BRD8: variants seen among roughly 807,000 people sequenced by gnomAD.
BRD8 encodes the protein bromodomain containing 8.
Under a neutral mutation model 143.1 loss-of-function variants are expected in BRD8, and 67 were observed. The ratio of observed to expected loss-of-function variants is 0.47; its 90% CI spans 0.38 to 0.57. BRD8 has a LOEUF of 0.57. Ranked by LOEUF, BRD8 falls within the 20% of genes least tolerant of loss-of-function variation. The pLI, the probability that BRD8 is intolerant of heterozygous loss-of-function variation, is 0.00. For missense variants in BRD8, 1,103 were observed against 1,503.0 expected (o/e 0.73, Z 4.40); for synonymous variants, 505 against 517.1 (o/e 0.98, Z 0.32).
At chr5:138,175,799 G>A (rs1400576290) in intron 2 of BRD8, among the ~76,000 whole-genome samples, 24 of 146,708 alleles carry the variant, frequency 1.6e-4, no homozygotes, top group Admixed American at 2.7e-4. Flanking sequence ...CTGTAGTCCC[G>A]GCTACTCAGG....
chr5:138,164,648 C>T, intron 12 of BRD8, 66 bp downstream of exon 12: 1 of 1,565,988 alleles, frequency 6.4e-7, no homozygotes, highest in South Asian at 1.2e-5. Flanking sequence ...ACCAAAAAGC[C>T]TAAGCTGTCA....
intron 25 of BRD8, among the ~76,000 whole-genome samples, chr5:138,144,918 AAT>A (rs71583301): frequency 0.013 from 1,177 of 89,766 alleles, 41 homozygotes; most frequent in East Asian, 0.035. Context: ...AAAAAAAAAA[AAT>A]ATATATATAT....
chr5:138,171,020 A>C lies in BRD8; in HGVS notation c.359+18T>G, dbSNP rs1174256682. The C allele has an allele frequency of 6.2e-7, 1 of 1,611,658 alleles. No homozygotes were observed. Among genetic ancestry groups the C allele is most frequent in the Admixed American group, 1.7e-5 (1 of 59,640 alleles). On this transcript the variant is annotated intron_variant, in intron 5 of 26. Transcript: ENST00000254900. The stretch of plus-strand genomic sequence containing the variant: ...CTTATGTCTTTCTCAATTTTTTGGC[A>C]TTCTCTCTGATAAGTACCTATATCT...
Position 138,140,065 on chromosome 5 carries a change from A to G in BRD8, c.*9T>C. The G allele has an allele frequency of 6.2e-7, 1 of 1,604,946 alleles. No homozygotes were observed. Among genetic ancestry groups the G allele is most frequent in the Non-Finnish European group, 8.5e-7 (1 of 1,171,582 alleles). ...AAACTCTAGAAAAAGTCAGGATAGC[A>G]GCTCCAGGTTAGAAAACAGGTTTTC... On this transcript the variant is annotated 3_prime_UTR_variant, in exon 27 of 27. Coordinates refer to ENST00000254900, the MANE Select transcript of BRD8 (RefSeq NM_139199.2).
chr5:138,167,918 A>G lies in BRD8; in HGVS notation c.787+16T>C, dbSNP rs369837944. 6.2e-7 allele frequency: 1 copy of G among 1,611,588 alleles called. No homozygotes were observed. Among genetic ancestry groups the G allele is most frequent in the South Asian group, 1.1e-5 (1 of 91,030 alleles). On this transcript the variant is annotated intron_variant, in intron 9 of 26. Transcript: ENST00000254900. ...TCAACACCTTTGAGGTTGATAAAGGAAAAGTGGTAACTTACCTGATGCAGC... is the reference window on the plus strand; with the variant it reads ...TCAACACCTTTGAGGTTGATAAAGGGAAAGTGGTAACTTACCTGATGCAGC...
chr5:138,170,814 CAATAT>C lies in BRD8; in HGVS notation c.440+13_440+17del, dbSNP rs565124557. The C allele has an allele frequency of 5.0e-5, 80 of 1,604,012 alleles. No individual in the cohort carries two copies. In the African/African-American group the frequency reaches 1.0e-3, roughly 21 times the overall value. ...GTAAAAAGAAAGAAGCACAGAAGAA[CAATAT>C]AATATAACCCACGTTGCAATGTCAT... is the stretch of plus-strand genomic sequence containing the variant. On this transcript the variant is annotated intron_variant, in intron 6 of 26. Coordinates refer to ENST00000254900, the MANE Select transcript of BRD8 (RefSeq NM_139199.2).
Position 138,159,663 on chromosome 5 carries a change from AC to A in BRD8, c.2533-65del, listed in dbSNP as rs1202200987. ...AAACTCTCAGCCACAAGCACCCCAAACCTCAGGACAGAGACACAAGCACCAC... is the reference window on the plus strand; with the variant it reads ...AAACTCTCAGCCACAAGCACCCCAAACTCAGGACAGAGACACAAGCACCAC... On this transcript the variant is annotated intron_variant, in intron 19 of 26. Coordinates refer to ENST00000254900, the MANE Select transcript of BRD8 (RefSeq NM_139199.2). 4 of 1,513,314 alleles carry A rather than the reference AC, an allele frequency of 2.6e-6. No homozygotes were observed. The African/African-American group carries it at 4.1e-5, about 16-fold the overall frequency. 93.7% of individuals were successfully genotyped at this position (1,513,314 alleles called of 1,614,324 possible).
At chr5:138,168,484 T>A (rs1162264770) in intron 8 of BRD8, 7 of 1,604,844 alleles carry the variant, frequency 4.4e-6, no homozygotes, top group Non-Finnish European at 5.9e-6. Context: ...CTGGGGCTAG[T>A]AGGCAGGAGG....
chr5:138,174,885 TCA>T, intron 2 of BRD8, among the ~76,000 whole-genome samples: 1 of 149,962 alleles, frequency 6.7e-6, no homozygotes, highest in African/African-American at 2.4e-5. Context: ...AAAAATAAAC[TCA>T]AGTTTTTTTT....
intron 2 of BRD8, among the ~76,000 whole-genome samples, chr5:138,175,784 T>A (rs1754272910): frequency 6.7e-6 from 1 of 149,960 alleles, no homozygotes; most frequent in Non-Finnish European, 1.5e-5. Flanking sequence ...GGTGATGGCA[T>A]GTGCCTGTAG....
At chr5:138,144,098 C>A (rs1237081145) in intron 25 of BRD8, among the ~76,000 whole-genome samples, 1 of 148,886 alleles carries the variant, frequency 6.7e-6, no homozygotes, top group East Asian at 2.0e-4. Flanking sequence ...ACGAACCCAA[C>A]AAGAGGAATA....
intron 2 of BRD8, among the ~76,000 whole-genome samples, chr5:138,174,806 G>A (rs1173568947): frequency 6.6e-6 from 1 of 151,980 alleles, no homozygotes; most frequent in African/African-American, 2.4e-5. Flanking sequence ...AGAATATCCT[G>A]AGCCTCTAAT....
intron 2 of BRD8, among the ~76,000 whole-genome samples, chr5:138,175,493 G>A (rs1220205702): frequency 6.6e-6 from 1 of 151,998 alleles, no homozygotes; most frequent in African/African-American, 2.4e-5. Flanking sequence ...TAAGGTGGGA[G>A]GATCACTTGA....
At chr5:138,161,959 C>G in intron 16 of BRD8, 95 bp from the exon 17 acceptor site, 1 of 1,556,714 alleles carries the variant, frequency 6.4e-7, no homozygotes, top group South Asian at 1.1e-5. Context: ...GAACTAATAC[C>G]AGCAGTTCCA....
chr5:138,154,074 A>G (rs1452201353), intron 20 of BRD8, among the ~76,000 whole-genome samples: 1 of 152,022 alleles, frequency 6.6e-6, no homozygotes, highest in Non-Finnish European at 1.5e-5. Flanking sequence ...TTTCTCCCAC[A>G]ATAAGTTTTC....
At chr5:138,146,359 A>C (rs917993025) in intron 23 of BRD8, among the ~76,000 whole-genome samples, 1 of 109,484 alleles carries the variant, frequency 9.1e-6, no homozygotes, top group Non-Finnish European at 1.9e-5. Flanking sequence ...TGCCCAGCCA[A>C]TTTTTTTTTT....
chr5:138,167,581 C>A, intron 9 of BRD8: 1 of 216,138 alleles, frequency 4.6e-6, no homozygotes, highest in Non-Finnish European at 9.3e-6. Context: ...GTCACAAAAC[C>A]AATGTGTGGC....
intron 20 of BRD8, 90 bp downstream of exon 20, chr5:138,159,465 T>G (rs563286043): frequency 2.2e-6 from 3 of 1,349,940 alleles, no homozygotes; most frequent in Non-Finnish European, 2.1e-6. Context: ...TGCCACAGTC[T>G]GCATGTTGGA....
At chr5:138,166,179 A>C in intron 10 of BRD8, 71 bp from the exon 11 acceptor site, 1 of 1,057,214 alleles carries the variant, frequency 9.5e-7, no homozygotes. Context: ...AGATCACATA[A>C]GCGCTACAGA....
Sources: gnomAD v4.1 joint callset for allele counts (sites outside exome capture counted in the v4.1 genomes callset) on GRCh38, gnomAD v4.1.1 for gene constraint, MANE v1.5 for transcripts, NCBI Gene and HGNC (gene_info 2026-07-23, HGNC 2026-07-21) for gene names.